PRELID2: variants seen among roughly 807,000 people sequenced by gnomAD.
The protein encoded by PRELID2 is PRELI domain-containing protein 2.
A neutral mutation model predicts 28.4 loss-of-function variants in PRELID2; 25 were observed. That is an observed-to-expected ratio of 0.88 (90% CI 0.64 to 1.23). The LOEUF is 1.23. PRELID2 is among the 50% of genes most tolerant of loss of function. The pLI, the probability that PRELID2 is intolerant of heterozygous loss-of-function variation, is 0.00. For missense variants in PRELID2, 201 were observed against 214.4 expected (o/e 0.94, Z 0.39); for synonymous variants, 76 against 71.6 (o/e 1.06, Z -0.31).
chr5:145,620,834 C>A (rs796981638), intron 1 of PRELID2, among the ~76,000 whole-genome samples: 33 of 151,026 alleles, frequency 2.2e-4, no homozygotes, highest in Admixed American at 1.9e-3. Context: ...CACACACACA[C>A]ACACACACAA....
chr5:145,469,815 C>T (rs187575437), downstream of PRELID2, among the ~76,000 whole-genome samples: 1 of 152,200 alleles, frequency 6.6e-6, no homozygotes, highest in East Asian at 1.9e-4. Context: ...GAACTGACAG[C>T]TTAATTCTGT....
chr5:145,625,499 AACTT>A (rs1196032706), intron 1 of PRELID2, among the ~76,000 whole-genome samples: 2 of 152,190 alleles, frequency 1.3e-5, no homozygotes, highest in Non-Finnish European at 2.9e-5. Flanking sequence ...ATTTTTATAA[AACTT>A]ATTTATTCTC....
chr5:145,394,943 C>T, the PRELID2 span, among the ~76,000 whole-genome samples: 4 of 152,112 alleles, frequency 2.6e-5, no homozygotes, highest in Admixed American at 2.6e-4. Flanking sequence ...TTGCCATCAT[C>T]ATCATGGTTA....
intron 1 of PRELID2, among the ~76,000 whole-genome samples, chr5:145,628,708 T>C (rs1303112059): frequency 6.6e-6 from 1 of 152,182 alleles, no homozygotes; most frequent in Non-Finnish European, 1.5e-5. Context: ...CCTCCTCTTC[T>C]TTCAGGAAGA....
At chr5:145,417,052 A>T in the PRELID2 span, among the ~76,000 whole-genome samples, 1 of 152,118 alleles carries the variant, frequency 6.6e-6, no homozygotes, top group Non-Finnish European at 1.5e-5. Context: ...AATAGAGACA[A>T]TCAGAAATGA....
intron 1 of PRELID2, among the ~76,000 whole-genome samples, chr5:145,534,716 T>C (rs1330097300): frequency 6.6e-6 from 1 of 152,012 alleles, no homozygotes; most frequent in Non-Finnish European, 1.5e-5. Flanking sequence ...AAATGTTGGT[T>C]TCTTTTTTTT....
At chr5:145,826,258 CA>C in intron 1 of PRELID2, 1 of 819,746 alleles carries the variant, frequency 1.2e-6, no homozygotes, top group African/African-American at 1.9e-5. Flanking sequence ...GTAAAGCCCG[CA>C]GACAAGCAGG....
chr5:145,346,721 T>C, the PRELID2 span, among the ~76,000 whole-genome samples: 3 of 152,268 alleles, frequency 2.0e-5, no homozygotes, highest in South Asian at 6.2e-4. Context: ...TACTCTCAGT[T>C]CTGGACAGGT....
the PRELID2 span, among the ~76,000 whole-genome samples, chr5:145,295,358 G>C: frequency 6.6e-6 from 1 of 152,124 alleles, no homozygotes; most frequent in Middle Eastern, 3.2e-3. Flanking sequence ...TTTCTAAGTA[G>C]GAGGGTGGTT....
At chr5:145,497,555 G>A (rs1228933427) in intron 1 of PRELID2, among the ~76,000 whole-genome samples, 2 of 152,106 alleles carry the variant, frequency 1.3e-5, no homozygotes, top group Non-Finnish European at 2.9e-5. Context: ...ACTTAGGAGT[G>A]TTATTGTTTT....
chr5:145,726,325 GAGAA>G (rs902222959), intron 1 of PRELID2, among the ~76,000 whole-genome samples: 3 of 142,876 alleles, frequency 2.1e-5, no homozygotes, highest in African/African-American at 8.8e-5. Flanking sequence ...GAGAGAAAGA[GAGAA>G]AGAGAAAGAA....
the PRELID2 span, among the ~76,000 whole-genome samples, chr5:145,393,645 T>C: frequency 6.6e-6 from 1 of 152,198 alleles, no homozygotes; most frequent in East Asian, 1.9e-4. Context: ...CTGCCTGTAA[T>C]TGACTGAAAC....
intron 1 of PRELID2, among the ~76,000 whole-genome samples, chr5:145,584,107 C>T (rs1753131263): frequency 6.6e-6 from 1 of 152,086 alleles, no homozygotes; most frequent in Admixed American, 6.6e-5. Flanking sequence ...ACCAACGGAA[C>T]AGAATAGAGA....
At chr5:145,540,293 G>C (rs1320909573) in intron 1 of PRELID2, among the ~76,000 whole-genome samples, 1 of 151,914 alleles carries the variant, frequency 6.6e-6, no homozygotes, top group Non-Finnish European at 1.5e-5. Context: ...ATAATAAGGG[G>C]AAGATAAGAG....
the PRELID2 span, among the ~76,000 whole-genome samples, chr5:145,337,641 C>T: frequency 2.1e-5 from 3 of 141,712 alleles, no homozygotes; most frequent in Non-Finnish European, 3.0e-5. Context: ...AAGGCTATTT[C>T]AAAGGATACA....
At chr5:145,779,438 G>GCAAT in intron 5 of PRELID2, among the ~76,000 whole-genome samples, 1 of 151,760 alleles carries the variant, frequency 6.6e-6, no homozygotes, top group Admixed American at 6.6e-5. Context: ...ATACTAAAGG[G>GCAAT]CAATATAAAT....
At chr5:145,715,338 T>C (rs1313274924) in intron 1 of PRELID2, among the ~76,000 whole-genome samples, 5 of 152,066 alleles carry the variant, frequency 3.3e-5, no homozygotes, top group Admixed American at 2.6e-4. Context: ...TTCAAATGAA[T>C]CCCAACAGCC....
the PRELID2 span, among the ~76,000 whole-genome samples, chr5:145,239,609 G>A: frequency 0.055 from 8,324 of 151,930 alleles, 408 homozygotes; most frequent in African/African-American, 0.13. Flanking sequence ...TTGATGCCTC[G>A]CTCTCCAGAA....
chr5:145,286,493 T>C, the PRELID2 span, among the ~76,000 whole-genome samples: 1 of 152,138 alleles, frequency 6.6e-6, no homozygotes, highest in African/African-American at 2.4e-5. Context: ...TCAGAGATGA[T>C]GTGTAATTTT....
Sources: gnomAD v4.1 joint callset for allele counts (sites outside exome capture counted in the v4.1 genomes callset) on GRCh38, gnomAD v4.1.1 for gene constraint, MANE v1.5 for transcripts, NCBI Gene and HGNC (gene_info 2026-07-23, HGNC 2026-07-21) for gene names.